Variants in PRKCB observed in about 807,000 individuals in gnomAD.
PRKCB encodes the protein protein kinase C beta type.
Under a neutral mutation model 81.5 loss-of-function variants are expected in PRKCB, and 13 were observed. The ratio of observed to expected loss-of-function variants is 0.16; its 90% confidence interval spans 0.10 to 0.25. The LOEUF (loss-of-function observed/expected upper bound fraction) is 0.25. PRKCB is among the 10% of genes least tolerant of loss of function. The pLI is 1.00. For synonymous variants in PRKCB, 335 were observed against 321.4 expected, an observed-to-expected ratio of 1.04 and a Z score of -0.45; for missense variants, 509 against 875.7, an observed-to-expected ratio of 0.58 and a Z score of 5.29.
At chr16:23,870,000 C>T (rs1307770904) in intron 2 of PRKCB, among the ~76,000 whole-genome samples, 4 of 146,518 alleles carry the variant, frequency 2.7e-5, no homozygotes, top group East Asian at 2.0e-4. Context: ...CTAGCCTGGG[C>T]GACAGAGTGA....
chr16:24,067,322 C>T (rs56037639), intron 5 of PRKCB, among the ~76,000 whole-genome samples: 3,633 of 151,378 alleles, frequency 0.024, 129 homozygotes, highest in African/African-American at 0.083. Context: ...ATTTTTTAGA[C>T]GGGATCTTAT....
intron 5 of PRKCB, among the ~76,000 whole-genome samples, chr16:24,042,872 G>A (rs1332668497): frequency 2.0e-5 from 3 of 151,834 alleles, no homozygotes; most frequent in Admixed American, 6.6e-5. Flanking sequence ...AAAGTAGCTG[G>A]GACTACAGGC....
chr16:24,132,388 G>A (rs775733541), intron 9 of PRKCB, among the ~76,000 whole-genome samples: 16 of 152,160 alleles, frequency 1.1e-4, no homozygotes, highest in Non-Finnish European at 2.1e-4. Flanking sequence ...GCATAACTAA[G>A]GATTCATTCA....
intron 16 of PRKCB, among the ~76,000 whole-genome samples, chr16:24,193,881 C>T (rs573103884): frequency 1.3e-5 from 2 of 152,332 alleles, no homozygotes; most frequent in East Asian, 1.9e-4. Context: ...GCTGCTCCAT[C>T]TTCATGGTAT....
chr16:23,851,512 C>T (rs113045241), intron 2 of PRKCB, among the ~76,000 whole-genome samples: 41 of 152,186 alleles, frequency 2.7e-4, no homozygotes, highest in African/African-American at 9.4e-4. Flanking sequence ...GAAATTAAGT[C>T]GTGTGATTCC....
At chr16:23,898,001 C>T (rs902878125) in intron 2 of PRKCB, among the ~76,000 whole-genome samples, 10 of 151,960 alleles carry the variant, frequency 6.6e-5, no homozygotes, top group African/African-American at 1.4e-4. Flanking sequence ...CAGGCTCAAG[C>T]GATTCTTCTG....
chr16:24,191,260 G>A (rs746187067), intron 16 of PRKCB, 30 bp downstream of exon 16: 48 of 1,612,704 alleles, frequency 3.0e-5, no homozygotes, highest in Non-Finnish European at 3.6e-5. Context: ...TGACTGCCGG[G>A]TATTCACACA....
chr16:23,918,293 T>C (rs1963773274), intron 2 of PRKCB, among the ~76,000 whole-genome samples: 1 of 152,230 alleles, frequency 6.6e-6, no homozygotes, highest in South Asian at 2.1e-4. Context: ...TGAGGTCTAC[T>C]AGAAGATACT....
intron 8 of PRKCB, among the ~76,000 whole-genome samples, chr16:24,117,846 A>C (rs1455710413): frequency 1.3e-5 from 2 of 152,234 alleles, no homozygotes; most frequent in African/African-American, 4.8e-5. Context: ...TGCATGCCTC[A>C]GAATTTCCCA....
At chr16:23,875,669 T>C (rs1458475066) in intron 2 of PRKCB, among the ~76,000 whole-genome samples, 1 of 132,332 alleles carries the variant, frequency 7.6e-6, no homozygotes, top group Non-Finnish European at 1.6e-5. Flanking sequence ...CATATATATG[T>C]ATGTATATCA....
intron 5 of PRKCB, among the ~76,000 whole-genome samples, chr16:24,058,976 G>A (rs1435895573): frequency 7.6e-6 from 1 of 132,330 alleles, no homozygotes; most frequent in Non-Finnish European, 1.6e-5. Context: ...ATCAGGGAGA[G>A]GATGGAGGAG....
chr16:24,195,083 G>C (rs1018202788), intron 16 of PRKCB, among the ~76,000 whole-genome samples: 1 of 151,880 alleles, frequency 6.6e-6, no homozygotes, highest in Non-Finnish European at 1.5e-5. Flanking sequence ...TCCACCTGTA[G>C]TCCCAGCTAC....
intron 10 of PRKCB, among the ~76,000 whole-genome samples, chr16:24,155,619 A>T (rs1967144592): frequency 6.6e-6 from 1 of 152,122 alleles, no homozygotes; most frequent in Admixed American, 6.5e-5. Flanking sequence ...ACTTTTCAAG[A>T]TTAATTTTGA....
intron 7 of PRKCB, among the ~76,000 whole-genome samples, chr16:24,102,078 A>C (rs374752872): frequency 6.6e-6 from 1 of 152,194 alleles, no homozygotes; most frequent in East Asian, 1.9e-4. Context: ...GGTTAGGTGG[A>C]AGGCTAGAGG....
At chr16:23,837,328 C>T (rs1217288930) in intron 1 of PRKCB, 47 bp from the exon 2 acceptor site, 1 of 1,611,852 alleles carries the variant, frequency 6.2e-7, no homozygotes, top group South Asian at 1.1e-5. Flanking sequence ...TAGCTGGAGG[C>T]TGGGCCCCCC....
rs142472174 is a variant in PRKCB at position 24,082,453 on chromosome 16, T to C, written c.530-10338T>C. Among the ~76,000 whole-genome samples the C allele has an allele frequency of 5.3e-3, 808 of 152,336 alleles. 6 individuals are homozygous for C. Among genetic ancestry groups the C allele is most frequent in the African/African-American group, 0.019 (776 of 41,582 alleles). ...GTTGGAAGAATTACTGTACCCAATC[T>C]TAAGACTTACTATATAAAGCTTCAG... On this transcript the variant is annotated intron_variant, in intron 5 of 16. Transcript: ENST00000643927.
chr16:24,079,265 C>T (rs911287732), intron 5 of PRKCB, among the ~76,000 whole-genome samples: 3 of 152,198 alleles, frequency 2.0e-5, no homozygotes, highest in Non-Finnish European at 4.4e-5. Flanking sequence ...AAATAAACAG[C>T]CTTGCTGCTC....
chr16:23,995,606 T>C (rs1292421495), intron 3 of PRKCB, among the ~76,000 whole-genome samples: 1 of 151,890 alleles, frequency 6.6e-6, no homozygotes, highest in Non-Finnish European at 1.5e-5. Context: ...ATTAACTGGG[T>C]CTTATCTAAA....
chr16:23,948,538 G>A (rs1012578096), intron 2 of PRKCB, among the ~76,000 whole-genome samples: 4 of 151,960 alleles, frequency 2.6e-5, no homozygotes, highest in African/African-American at 9.7e-5. Flanking sequence ...CAGGTAGCTG[G>A]GATTACAGGC....
Sources: allele counts gnomAD v4.1 joint callset (sites outside exome capture counted in the v4.1 genomes callset), GRCh38; gene constraint gnomAD v4.1.1; transcripts MANE v1.5; gene names NCBI Gene and HGNC (gene_info 2026-07-23, HGNC 2026-07-21).